The following VWA8 variants were observed in gnomAD, a reference collection of about 807,000 sequenced individuals.
VWA8 encodes von Willebrand factor A domain-containing protein 8.
VWA8 carries 221 observed loss-of-function variants against 241.5 expected under a neutral mutation model. The ratio of observed to expected loss-of-function variants is 0.91; its 90% CI spans 0.82 to 1.02. The LOEUF is 1.02. VWA8 is among the 50% of genes least tolerant of loss of function. The probability of loss-of-function intolerance (pLI) is 0.00; values close to 1 mark genes in which losing one functional copy is unlikely to be tolerated. For missense variants in VWA8, 2,322 were observed against 2,328.7 expected, an observed-to-expected ratio of 1.00 and a Z score of 0.06; for synonymous variants, 852 against 827.1, an observed-to-expected ratio of 1.03 and a Z score of -0.52.
intron 3 of VWA8, 26 bp downstream of exon 3, chr13:41,912,012 G>T: frequency 6.5e-7 from 1 of 1,530,776 alleles, no homozygotes. Context: ...AAGACCCTTA[G>T]AAATTGACAA....
At chr13:41,695,662 T>C (rs1156332414) in intron 29 of VWA8, among the ~76,000 whole-genome samples, 1 of 152,108 alleles carries the variant, frequency 6.6e-6, no homozygotes, top group Non-Finnish European at 1.5e-5. Flanking sequence ...AGAGGAAGTA[T>C]ACAGATAAGG....
chr13:41,734,441 G>C (rs1312427291), intron 21 of VWA8, among the ~76,000 whole-genome samples: 2 of 152,228 alleles, frequency 1.3e-5, no homozygotes, highest in Non-Finnish European at 2.9e-5. Flanking sequence ...TCAAGGGACT[G>C]AGGAGTTGAT....
intron 37 of VWA8, among the ~76,000 whole-genome samples, chr13:41,648,484 T>C (rs1378336727): frequency 6.6e-6 from 1 of 152,208 alleles, no homozygotes; most frequent in African/African-American, 2.4e-5. Context: ...AGTATGTTTT[T>C]GTAGAGAACA....
intron 37 of VWA8, among the ~76,000 whole-genome samples, chr13:41,633,117 C>T (rs2044736316): frequency 1.3e-5 from 2 of 152,152 alleles, no homozygotes; most frequent in African/African-American, 2.4e-5. Flanking sequence ...TCGTAATGTA[C>T]TCTTTTATGA....
intron 28 of VWA8, 72 bp downstream of exon 28, chr13:41,701,320 A>C: frequency 3.4e-6 from 5 of 1,468,504 alleles, no homozygotes; most frequent in South Asian, 1.5e-5. Context: ...TTTGATGTCT[A>C]GAGATTATTT....
chr13:41,891,434 C>T lies in VWA8; in HGVS notation c.637G>A (p.Asp213Asn), dbSNP rs553937949. 1.9e-6 allele frequency: 3 copies of T among 1,614,098 alleles called. No homozygotes were observed. The highest frequency in any genetic ancestry group is 1.7e-5 in the Admixed American group (1 of 60,010). ...TCTTTTCTTACTCGGAGAAGTTTGT[C>T]GTAACGCTCAGCAGACATCAGGAAG... ...GRFLMSAERY[D>N]KLLRDHTKKE... The change falls in exon 5 of 45, where the codon GAC (aspartate) becomes AAC (asparagine). Residue 213 changes from aspartate to asparagine, a missense_variant. Transcript: ENST00000379310.
intron 12 of VWA8, among the ~76,000 whole-genome samples, chr13:41,842,003 T>C (rs1872079211): frequency 1.3e-5 from 2 of 151,118 alleles, no homozygotes; most frequent in Non-Finnish European, 2.9e-5. Flanking sequence ...ATACTTATTA[T>C]ACCAGGAAAA....
intron 26 of VWA8, among the ~76,000 whole-genome samples, chr13:41,707,761 G>A (rs990268908): frequency 6.6e-6 from 1 of 152,046 alleles, no homozygotes; most frequent in Non-Finnish European, 1.5e-5. Context: ...CATGCTTCCA[G>A]GAGGCCATTA....
chr13:41,779,970 C>G (rs1362352122), intron 19 of VWA8, among the ~76,000 whole-genome samples: 3 of 152,178 alleles, frequency 2.0e-5, no homozygotes, highest in Non-Finnish European at 4.4e-5. Context: ...CAGACAATTT[C>G]TTAAAAGTCT....
intron 43 of VWA8, among the ~76,000 whole-genome samples, chr13:41,574,337 C>T (rs866484279): frequency 4.6e-5 from 7 of 152,100 alleles, no homozygotes; most frequent in African/African-American, 1.2e-4. Flanking sequence ...GCTGCACACA[C>T]ACAAAACCCT....
intron 1 of VWA8, among the ~76,000 whole-genome samples, chr13:41,950,871 G>A (rs1878103712): frequency 6.6e-6 from 1 of 150,384 alleles, no homozygotes; most frequent in African/African-American, 2.4e-5. Context: ...GTTTCACCAT[G>A]TTGGCCAGGC....
At chr13:41,661,588 T>C (rs1041054551) in intron 37 of VWA8, among the ~76,000 whole-genome samples, 19 of 151,640 alleles carry the variant, frequency 1.3e-4, no homozygotes, top group Non-Finnish European at 2.5e-4. Flanking sequence ...AGATTGAGAC[T>C]TTTTTTTTCT....
intron 40 of VWA8, among the ~76,000 whole-genome samples, chr13:41,592,801 T>C (rs945356847): frequency 6.6e-6 from 1 of 151,974 alleles, no homozygotes; most frequent in Non-Finnish European, 1.5e-5. Context: ...CTGTTCAATA[T>C]CTGATCTGAA....
intron 40 of VWA8, among the ~76,000 whole-genome samples, chr13:41,597,710 A>G (rs1036612714): frequency 2.0e-5 from 3 of 152,042 alleles, no homozygotes; most frequent in African/African-American, 4.8e-5. Flanking sequence ...GTGTGCAAAC[A>G]TAACAGGCAT....
intron 26 of VWA8, among the ~76,000 whole-genome samples, chr13:41,715,287 TTG>T (rs1313496195): frequency 6.6e-6 from 1 of 151,978 alleles, no homozygotes; most frequent in African/African-American, 2.4e-5. Flanking sequence ...AACATTGTTG[TTG>T]TTATAATTAT....
chr13:41,712,258 C>T (rs765577224), intron 26 of VWA8, among the ~76,000 whole-genome samples: 4 of 152,108 alleles, frequency 2.6e-5, no homozygotes, highest in Non-Finnish European at 5.9e-5. Context: ...CTTGAAATGA[C>T]ACCAACACAT....
intron 9 of VWA8, among the ~76,000 whole-genome samples, chr13:41,868,895 AAAAAAAAAAAAGG>A (rs1873449773): frequency 6.6e-6 from 1 of 150,936 alleles, no homozygotes. Context: ...CTCAAAAAAA[AAAAAAAAAAAAGG>A]AAAAAAAAAA....
At chr13:41,789,217 G>A (rs1869343105) in intron 17 of VWA8, among the ~76,000 whole-genome samples, 1 of 152,120 alleles carries the variant, frequency 6.6e-6, no homozygotes, top group African/African-American at 2.4e-5. Flanking sequence ...GATTTTAAGG[G>A]ATTTGTTAAC....
chr13:41,762,333 T>C (rs901310497), intron 20 of VWA8, among the ~76,000 whole-genome samples: 3 of 152,100 alleles, frequency 2.0e-5, no homozygotes, highest in Non-Finnish European at 4.4e-5. Context: ...GGCATTAAAA[T>C]TATTTCAACC....
Sources: gnomAD v4.1 joint callset for allele counts (sites outside exome capture counted in the v4.1 genomes callset) on GRCh38, gnomAD v4.1.1 for gene constraint, MANE v1.5 for transcripts, NCBI Gene and HGNC (gene_info 2026-07-23, HGNC 2026-07-21) for gene names.